Variants in GABPB2 observed in about 807,000 individuals in gnomAD.
GABPB2 encodes the protein GA-binding protein subunit beta-2.
GABPB2 carries 23 observed loss-of-function variants against 39.1 expected under a neutral mutation model. The ratio of observed to expected loss-of-function variants is 0.59; its 90% CI spans 0.42 to 0.83. The LOEUF (loss-of-function observed/expected upper bound fraction) is 0.83, where lower values mean the gene tolerates loss of function less well. Among genes scored for constraint, GABPB2 ranks in the 40% least tolerant of loss-of-function variants. The pLI is 0.00. For synonymous variants in GABPB2, 184 were observed against 199.3 expected (o/e 0.92, Z 0.65); for missense variants, 467 against 541.1 (o/e 0.86, Z 1.36).
rs148623396 is a variant in GABPB2, at chr1:151,103,640, C to T, written c.701C>T (p.Ala234Val). The change falls in exon 6 of 9, where the codon GCA (alanine) becomes GTA (valine). Residue 234 changes from alanine to valine, a missense_variant. Physicochemically the swap from Ala to Val is moderately conservative, Grantham distance 64. Transcript: ENST00000368918. ...GCTACCCTTGCAGCTCTTGCTGAGG[C>T]ATCAGTCCCCCTCTCCAACTCACAC... The part of the protein sequence containing the change: ...VLATLAALAE[A>V]SVPLSNSHRA... The T allele has an allele frequency of 4.5e-5, 73 of 1,614,000 alleles. 1 individual carries two copies. In the East Asian group the frequency reaches 1.5e-3, roughly 33 times the overall value.
intron 7 of GABPB2, among the ~76,000 whole-genome samples, chr1:151,109,959 C>T (rs587647640): frequency 3.8e-4 from 58 of 151,230 alleles, no homozygotes; most frequent in African/African-American, 9.7e-4. Context: ...CTGCCTCAGC[C>T]ACCGGAGTAG....
At chr1:151,088,323 ATTAT>A (rs1192385263) in intron 2 of GABPB2, 26 bp downstream of exon 2, 1 of 1,558,728 alleles carries the variant, frequency 6.4e-7, no homozygotes, top group South Asian at 1.1e-5. Context: ...AGGTCTCTTA[ATTAT>A]TTCCAATGTA....
At chr1:151,080,813 G>A (rs1343800168) in intron 1 of GABPB2, among the ~76,000 whole-genome samples, 2 of 145,118 alleles carry the variant, frequency 1.4e-5, no homozygotes, top group Non-Finnish European at 3.0e-5. Context: ...CCGAGATTGC[G>A]CCACTGCACT....
intron 5 of GABPB2, among the ~76,000 whole-genome samples, chr1:151,101,244 G>A (rs587603478): frequency 6.6e-6 from 1 of 151,604 alleles, no homozygotes; most frequent in South Asian, 2.1e-4. Context: ...TAATGCCAGA[G>A]TTTGTCTTGA....
intron 1 of GABPB2, among the ~76,000 whole-genome samples, chr1:151,080,552 A>T (rs938469572): frequency 1.4e-5 from 2 of 146,204 alleles, no homozygotes; most frequent in Admixed American, 1.4e-4. Flanking sequence ...AATAAATAAA[A>T]TAAAAAGGGT....
intron 1 of GABPB2, among the ~76,000 whole-genome samples, chr1:151,082,126 G>T (rs1244134088): frequency 2.0e-5 from 3 of 148,362 alleles, no homozygotes; most frequent in Middle Eastern, 3.4e-3. Context: ...GCCCAGACTG[G>T]AGTGCAGTGG....
At chr1:151,089,972 CTG>C (rs1267835496) in intron 2 of GABPB2, among the ~76,000 whole-genome samples, 1 of 147,264 alleles carries the variant, frequency 6.8e-6, no homozygotes. Flanking sequence ...GTGTTTCACT[CTG>C]TCGCCCAGGC....
intron 1 of GABPB2, among the ~76,000 whole-genome samples, chr1:151,081,644 T>A (rs7414477): frequency 0.6 from 90,764 of 151,510 alleles, 29,410 homozygotes; most frequent in East Asian, 0.88. Flanking sequence ...TTATTTATTT[T>A]TTTTTTTTTA....
At chr1:151,074,999 G>C (rs972725818) in intron 1 of GABPB2, among the ~76,000 whole-genome samples, 13 of 152,048 alleles carry the variant, frequency 8.5e-5, no homozygotes, top group Admixed American at 7.2e-4. Context: ...AAATAAGCCA[G>C]GCAGTAGTGG....
In GABPB2 at chr1:151,122,311, G is replaced by A. The variant is rs1681212443; in HGVS notation, c.*4055G>A. 1 of 152,206 alleles carries A rather than the reference G, an allele frequency of 6.6e-6. No individual in the cohort carries two copies. The highest frequency in any genetic ancestry group is 6.5e-5 in the Admixed American group (1 of 15,270). The allele number at this position is 152,206 out of a possible 1,614,324, so 9.4% of individuals were successfully genotyped here. On this transcript the variant is annotated 3_prime_UTR_variant, in exon 9 of 9. Transcript: ENST00000368918. ...GGGCTGTTGGGGATGACAGGAAAAT[G>A]TGAGGGGGAGTAGCCTAGGTAAGGG... is the stretch of plus-strand genomic sequence containing the variant.
At chr1:151,098,822 G>T (rs896439336) in intron 5 of GABPB2, among the ~76,000 whole-genome samples, 9 of 152,088 alleles carry the variant, frequency 5.9e-5, no homozygotes, top group Non-Finnish European at 1.2e-4. Flanking sequence ...GGTGCCTCAC[G>T]CCTGTAGTCC....
chr1:151,097,524 G>A (rs889132664), intron 4 of GABPB2, among the ~76,000 whole-genome samples: 1 of 152,012 alleles, frequency 6.6e-6, no homozygotes, highest in African/African-American at 2.4e-5. Flanking sequence ...GCTCAAGCCT[G>A]TAATCCTACC....
intron 5 of GABPB2, among the ~76,000 whole-genome samples, chr1:151,100,170 A>G (rs1571949667): frequency 7.1e-6 from 1 of 140,932 alleles, no homozygotes; most frequent in South Asian, 2.2e-4. Flanking sequence ...TTTGAGACGG[A>G]GTCTCGCTCT....
chr1:151,098,024 A>G (rs1265778882), intron 5 of GABPB2, 22 bp downstream of exon 5: 3 of 1,610,254 alleles, frequency 1.9e-6, no homozygotes, highest in Non-Finnish European at 2.5e-6. Flanking sequence ...ATAACATGAA[A>G]TTTATTTTAG....
chr1:151,102,286 A>T (rs898655320), intron 5 of GABPB2, among the ~76,000 whole-genome samples: 2 of 152,184 alleles, frequency 1.3e-5, no homozygotes, highest in African/African-American at 4.8e-5. Flanking sequence ...GTGCTACTGC[A>T]CTCCAGCCTG....
rs779080912 is a variant in GABPB2 at position 151,103,621 on chromosome 1, C to T, written c.682C>T (p.Leu228Phe). 6 of 1,614,166 alleles carry T rather than the reference C, an allele frequency of 3.7e-6. No homozygotes were observed. In the Admixed American group the frequency reaches 6.7e-5, roughly 18 times the overall value. ...SNSTTSVLAT[L>F]AALAEASVPL... ...TTCTACCACCTCAGTGCTGGCTACC[C>T]TTGCAGCTCTTGCTGAGGCATCAGT... Residue 228 changes from leucine (L) to phenylalanine (F), a missense_variant, in exon 6 of 9, where the codon CTT (leucine) becomes TTT (phenylalanine). Transcript: ENST00000368918.
intron 5 of GABPB2, 94 bp from the exon 6 acceptor site, chr1:151,103,468 A>G: frequency 1.3e-6 from 1 of 754,822 alleles, no homozygotes; most frequent in South Asian, 1.7e-5. Flanking sequence ...GGACATTAGA[A>G]GGAAAAGCTG....
At chr1:151,071,152 G>C (rs1676673997) in intron 1 of GABPB2, among the ~76,000 whole-genome samples, 1 of 152,126 alleles carries the variant, frequency 6.6e-6, no homozygotes, top group South Asian at 2.1e-4. Context: ...AGGTGAAGAA[G>C]GGGGTGGGTG....
intron 1 of GABPB2, among the ~76,000 whole-genome samples, chr1:151,074,609 G>A (rs941403743): frequency 4.0e-5 from 6 of 151,656 alleles, no homozygotes; most frequent in Admixed American, 1.3e-4. Flanking sequence ...GTGAGCCACC[G>A]CACCCAGCAG....
Sources: allele counts gnomAD v4.1 joint callset (sites outside exome capture counted in the v4.1 genomes callset), GRCh38; gene constraint gnomAD v4.1.1; transcripts MANE v1.5; gene names NCBI Gene and HGNC (gene_info 2026-07-23, HGNC 2026-07-21).